Variants in LCLAT1 observed in about 807,000 individuals in gnomAD.
The protein encoded by LCLAT1 is lysocardiolipin acyltransferase 1.
Under a neutral mutation model 30.7 loss-of-function variants are expected in LCLAT1, and 11 were observed. The ratio of observed to expected loss-of-function variants is 0.36; its 90% CI spans 0.23 to 0.59. The LOEUF (loss-of-function observed/expected upper bound fraction) is 0.59. Ranked by LOEUF, LCLAT1 falls within the 20% of genes least tolerant of loss-of-function variation. The pLI, the probability that LCLAT1 is intolerant of heterozygous loss-of-function variation, is 0.77. For missense variants in LCLAT1, 402 were observed against 458.6 expected, an observed-to-expected ratio of 0.88 and a Z score of 1.13; for synonymous variants, 155 against 151.3, an observed-to-expected ratio of 1.02 and a Z score of -0.18.
chr2:30,503,636 G>T (rs182491738), intron 1 of LCLAT1, among the ~76,000 whole-genome samples: 43 of 152,292 alleles, frequency 2.8e-4, no homozygotes, highest in Middle Eastern at 3.4e-3. Flanking sequence ...TTGAAATATA[G>T]TGTACTTGCT....
intron 5 of LCLAT1, among the ~76,000 whole-genome samples, chr2:30,631,431 G>C (rs1305513607): frequency 1.3e-5 from 2 of 152,158 alleles, no homozygotes; most frequent in African/African-American, 2.4e-5. Context: ...CTATGGGAGA[G>C]GAGTAGACTG....
At chr2:30,586,213 G>A (rs1470360028) in intron 5 of LCLAT1, among the ~76,000 whole-genome samples, 2 of 137,436 alleles carry the variant, frequency 1.5e-5, no homozygotes, top group African/African-American at 5.7e-5. Context: ...CTGCACTCCA[G>A]CCTGGGTGAC....
At chr2:30,586,505 C>A (rs1025406347) in intron 5 of LCLAT1, among the ~76,000 whole-genome samples, 4 of 152,182 alleles carry the variant, frequency 2.6e-5, no homozygotes, top group Non-Finnish European at 5.9e-5. Context: ...ACTCATGATA[C>A]TCACCATAAT....
At chr2:30,571,051 A>T (rs1283495858) in intron 5 of LCLAT1, among the ~76,000 whole-genome samples, 1 of 152,200 alleles carries the variant, frequency 6.6e-6, no homozygotes, top group Non-Finnish European at 1.5e-5. Context: ...TTAAGACTTG[A>T]GATCATCATA....
chr2:30,621,875 C>T (rs1014079307), intron 5 of LCLAT1, among the ~76,000 whole-genome samples: 2 of 152,142 alleles, frequency 1.3e-5, no homozygotes, highest in Non-Finnish European at 2.9e-5. Flanking sequence ...TTTGTAACAA[C>T]TTTGATGGAA....
chr2:30,608,028 T>C (rs983995265), intron 5 of LCLAT1, among the ~76,000 whole-genome samples: 1 of 151,822 alleles, frequency 6.6e-6, no homozygotes, highest in African/African-American at 2.4e-5. Context: ...TATAAAAGAG[T>C]CAAGTTTTAA....
At chr2:30,557,684 G>A (rs1664992486) in intron 3 of LCLAT1, among the ~76,000 whole-genome samples, 1 of 152,016 alleles carries the variant, frequency 6.6e-6, no homozygotes, top group South Asian at 2.1e-4. Context: ...CAAAGTGCTG[G>A]GATTACAGGC....
chr2:30,532,009 A>G (rs1189745129), intron 2 of LCLAT1, among the ~76,000 whole-genome samples: 5 of 152,210 alleles, frequency 3.3e-5, no homozygotes, highest in Non-Finnish European at 7.4e-5. Flanking sequence ...AGTATTCATT[A>G]ATCTGACTTT....
chr2:30,624,647 T>C (rs1179552786), intron 5 of LCLAT1, among the ~76,000 whole-genome samples: 2 of 152,112 alleles, frequency 1.3e-5, no homozygotes, highest in East Asian at 3.9e-4. Context: ...AAGAATGAGA[T>C]AGATGGCAAC....
At chr2:30,634,869 C>T (rs1201579935) in intron 5 of LCLAT1, among the ~76,000 whole-genome samples, 2 of 152,186 alleles carry the variant, frequency 1.3e-5, no homozygotes, top group African/African-American at 2.4e-5. Flanking sequence ...TTCATATGAA[C>T]CAAGCCCCAA....
At position 30,599,277 on chromosome 2, in the gene LCLAT1, C is replaced by T. The variant is rs190494847; in HGVS notation, c.628+31101C>T. Among the ~76,000 whole-genome samples, 752 of 152,236 alleles carry T rather than the reference C, an allele frequency of 4.9e-3. 7 individuals carry two copies. The highest frequency in any genetic ancestry group is 0.017 in the African/African-American group (696 of 41,556). ...GATTCCGGACATGAGCCACTGCACC[C>T]GGCCTTTGAGTTTCATTAATCTGAG... On this transcript the variant is annotated intron_variant, in intron 5 of 5. Transcript: ENST00000379509.
chr2:30,474,572 C>T (rs748619522), intron 1 of LCLAT1, among the ~76,000 whole-genome samples: 9 of 151,946 alleles, frequency 5.9e-5, no homozygotes, highest in Non-Finnish European at 1.3e-4. Context: ...CTCTTTGAGC[C>T]TGATGAGCTT....
intron 1 of LCLAT1, among the ~76,000 whole-genome samples, chr2:30,479,345 T>G (rs1421785316): frequency 6.6e-6 from 1 of 152,102 alleles, no homozygotes; most frequent in Non-Finnish European, 1.5e-5. Flanking sequence ...TCCTCCTGCC[T>G]CAGCCTCCCA....
At chr2:30,594,270 A>G (rs1666823128) in intron 5 of LCLAT1, among the ~76,000 whole-genome samples, 1 of 152,112 alleles carries the variant, frequency 6.6e-6, no homozygotes, top group Non-Finnish European at 1.5e-5. Context: ...ATTCAATCCT[A>G]CTGATTCATA....
intron 1 of LCLAT1, among the ~76,000 whole-genome samples, chr2:30,480,713 A>G (rs1683276561): frequency 6.6e-6 from 1 of 152,130 alleles, no homozygotes; most frequent in African/African-American, 2.4e-5. Flanking sequence ...TGATCCCATC[A>G]TTGCAGTTTT....
rs1295343595 is a variant in LCLAT1 at position 30,643,005 on chromosome 2, G to T, written c.*2386G>T. ...AAAAAAATTAACTATACAGTTAATG[G>T]TTTAGAACTTAGAACTACTTAGAAT... On this transcript the variant is annotated 3_prime_UTR_variant, in exon 6 of 6. Coordinates refer to ENST00000379509, the MANE Select transcript of LCLAT1 (RefSeq NM_001002257.3). 5.8e-5 allele frequency: 2 copies of T among 34,594 alleles called. 1 individual carries two copies. The highest frequency in any genetic ancestry group is 1.0e-4 in the Non-Finnish European group (2 of 19,442). 2.1% of individuals were successfully genotyped at this position (34,594 alleles called of 1,614,324 possible).
intron 5 of LCLAT1, among the ~76,000 whole-genome samples, chr2:30,617,419 C>A (rs945787761): frequency 7.2e-5 from 11 of 152,168 alleles, no homozygotes; most frequent in Admixed American, 5.9e-4. Flanking sequence ...GCCACAATTT[C>A]TTTAACCATT....
chr2:30,469,883 G>A (rs550534974), intron 1 of LCLAT1, among the ~76,000 whole-genome samples: 1 of 152,136 alleles, frequency 6.6e-6, no homozygotes, highest in East Asian at 1.9e-4. Flanking sequence ...ATGAGCCACT[G>A]CACCTGGCCC....
rs546334917 is a variant in LCLAT1 at position 30,541,613 on chromosome 2, A to C, written c.364+8299A>C. 7.9e-5 allele frequency among the ~76,000 whole-genome samples: 12 copies of C among 152,284 alleles called. No homozygotes were observed. The South Asian group carries it at 1.7e-3, about 21-fold the overall frequency. ...TTCTCTTCTGTTGATCTAATTATGC[A>C]TAAGTACCATGCTGTTTTATTTACC... On this transcript the variant is annotated intron_variant, in intron 3 of 5. Coordinates refer to ENST00000379509, the MANE Select transcript of LCLAT1 (RefSeq NM_001002257.3).
Sources: gnomAD v4.1 joint callset for allele counts (sites outside exome capture counted in the v4.1 genomes callset) on GRCh38, gnomAD v4.1.1 for gene constraint, MANE v1.5 for transcripts, NCBI Gene and HGNC (gene_info 2026-07-23, HGNC 2026-07-21) for gene names.